The following POU6F2 variants were observed in gnomAD, a reference collection of about 807,000 sequenced individuals.
The protein encoded by POU6F2 is POU class 6 homeobox 2, also known as POU domain, class 6, transcription factor 2.
A neutral mutation model predicts 71.3 loss-of-function variants in POU6F2; 31 were observed. That is an observed-to-expected ratio of 0.43 (90% CI 0.33 to 0.59). The LOEUF is 0.59. Ranked by LOEUF, POU6F2 falls within the 20% of genes least tolerant of loss-of-function variation. The probability of loss-of-function intolerance (pLI) is 0.04; values close to 1 mark genes in which losing one functional copy is unlikely to be tolerated. For synonymous variants in POU6F2, 347 were observed against 355.7 expected, an observed-to-expected ratio of 0.98 and a Z score of 0.27; for missense variants, 783 against 856.8, an observed-to-expected ratio of 0.91 and a Z score of 1.07.
chr7:39,429,267 C>T (rs1417900323), intron 6 of POU6F2, among the ~76,000 whole-genome samples: 1 of 152,126 alleles, frequency 6.6e-6, no homozygotes, highest in African/African-American at 2.4e-5. Context: ...AATGGTTTCT[C>T]TGCCTTCCCC....
intron 2 of POU6F2, among the ~76,000 whole-genome samples, chr7:39,171,899 T>G (rs1793225261): frequency 6.6e-6 from 1 of 152,240 alleles, no homozygotes; most frequent in Non-Finnish European, 1.5e-5. Context: ...GTTTCATGAC[T>G]GTTAAGGAGT....
chr7:39,294,367 C>G (rs1474414528), intron 4 of POU6F2, among the ~76,000 whole-genome samples: 1 of 143,286 alleles, frequency 7.0e-6, no homozygotes, highest in East Asian at 2.5e-4. Flanking sequence ...TGGCAAAAAG[C>G]GATGGCAAAA....
chr7:39,406,864 C>T, intron 6 of POU6F2, 124 bp downstream of exon 6: 1 of 1,319,304 alleles, frequency 7.6e-7, no homozygotes, highest in African/African-American at 1.4e-5. Context: ...ATAATGTTTA[C>T]TAGCAATGTC....
At chr7:39,129,812 C>CCAGCACTTTGG (rs1359462441) in intron 2 of POU6F2, among the ~76,000 whole-genome samples, 1 of 151,942 alleles carries the variant, frequency 6.6e-6, no homozygotes, top group African/African-American at 2.4e-5. Context: ...GCCTGGGATC[C>CCAGCACTTTGG]CAGCACTTTG....
chr7:39,320,455 CG>C (rs903627807), intron 4 of POU6F2, among the ~76,000 whole-genome samples: 5 of 152,016 alleles, frequency 3.3e-5, no homozygotes, highest in African/African-American at 1.2e-4. Flanking sequence ...ACACATCTCT[CG>C]GTAAAGGGTA....
intron 2 of POU6F2, among the ~76,000 whole-genome samples, chr7:39,125,053 G>A (rs1792114505): frequency 6.6e-6 from 1 of 151,720 alleles, no homozygotes; most frequent in Non-Finnish European, 1.5e-5. Flanking sequence ...AATTACTACT[G>A]GGCCTTGATA....
intron 1 of POU6F2, among the ~76,000 whole-genome samples, chr7:38,985,814 G>T (rs1299483813): frequency 6.6e-6 from 1 of 152,096 alleles, no homozygotes; most frequent in African/African-American, 2.4e-5. Context: ...TACAAGAGGT[G>T]TTTGTAGTAA....
chr7:39,117,111 A>C (rs757046338), intron 2 of POU6F2, among the ~76,000 whole-genome samples: 1 of 152,222 alleles, frequency 6.6e-6, no homozygotes, highest in Admixed American at 6.5e-5. Flanking sequence ...GTATGTTTCA[A>C]ATGAATTCAG....
chr7:39,011,161 G>A (rs1412775732), intron 1 of POU6F2, among the ~76,000 whole-genome samples: 2 of 138,510 alleles, frequency 1.4e-5, no homozygotes, highest in Admixed American at 7.3e-5. Context: ...GGGAGTCTAA[G>A]TCTCTTTGTA....
intron 2 of POU6F2, among the ~76,000 whole-genome samples, chr7:39,191,508 G>A (rs965276251): frequency 1.2e-4 from 18 of 150,734 alleles, no homozygotes; most frequent in African/African-American, 4.1e-4. Context: ...CCAAGTCATG[G>A]TTAGTAGGGA....
chr7:39,023,054 A>C (rs1294840073), intron 1 of POU6F2, among the ~76,000 whole-genome samples: 1 of 151,954 alleles, frequency 6.6e-6, no homozygotes, highest in Non-Finnish European at 1.5e-5. Context: ...GGGTAGTGGT[A>C]TTTCATTGTG....
intron 2 of POU6F2, among the ~76,000 whole-genome samples, chr7:39,197,185 G>C (rs182953684): frequency 5.5e-4 from 84 of 152,334 alleles, no homozygotes; most frequent in African/African-American, 1.9e-3. Flanking sequence ...TCTGCCCCTG[G>C]AAGCCTCAGT....
intron 4 of POU6F2, among the ~76,000 whole-genome samples, chr7:39,258,344 AG>A (rs1784065327): frequency 6.6e-6 from 1 of 152,206 alleles, no homozygotes; most frequent in Admixed American, 6.5e-5. Flanking sequence ...ACTGAGAAAA[AG>A]AGAAATATTA....
At chr7:38,978,169 T>A (rs1401572910) in intron 1 of POU6F2, 111 bp downstream of exon 1, 1 of 152,216 alleles carries the variant, frequency 6.6e-6, no homozygotes, top group Non-Finnish European at 1.5e-5. Context: ...TTCAGCTACC[T>A]GCCAGTGTAG....
chr7:38,989,435 G>T (rs879833098), intron 1 of POU6F2, among the ~76,000 whole-genome samples: 1 of 151,780 alleles, frequency 6.6e-6, no homozygotes, highest in Non-Finnish European at 1.5e-5. Context: ...AAACAAATAA[G>T]ATCAAAAGCT....
intron 1 of POU6F2, among the ~76,000 whole-genome samples, chr7:39,051,644 TG>T: frequency 6.6e-6 from 1 of 152,242 alleles, no homozygotes; most frequent in East Asian, 1.9e-4. Context: ...TTAGAGAAGA[TG>T]TTTTTTACTC....
intron 5 of POU6F2, among the ~76,000 whole-genome samples, chr7:39,362,084 G>T (rs1254878989): frequency 1.3e-5 from 2 of 152,170 alleles, no homozygotes; most frequent in African/African-American, 4.8e-5. Context: ...CAATGTCATG[G>T]TAGCCCTTGC....
chr7:39,159,881 C>A (rs184583518), intron 2 of POU6F2, among the ~76,000 whole-genome samples: 6 of 152,082 alleles, frequency 3.9e-5, no homozygotes, highest in Non-Finnish European at 7.4e-5. Flanking sequence ...TACCTAAACC[C>A]GTCAGAAAGG....
At chr7:38,980,955 T>C (rs1254109740) in intron 1 of POU6F2, among the ~76,000 whole-genome samples, 1 of 152,192 alleles carries the variant, frequency 6.6e-6, no homozygotes, top group Non-Finnish European at 1.5e-5. Context: ...ATATATGCCT[T>C]TCCCCTAGGA....
Sources: allele counts gnomAD v4.1 joint callset (sites outside exome capture counted in the v4.1 genomes callset), GRCh38; gene constraint gnomAD v4.1.1; transcripts MANE v1.5; gene names NCBI Gene and HGNC (gene_info 2026-07-23, HGNC 2026-07-21).